Variants in EPB41L3 observed in about 807,000 individuals in gnomAD.
The protein encoded by EPB41L3 is band 4.1-like protein 3.
EPB41L3 carries 57 observed loss-of-function variants against 127.1 expected under a neutral mutation model. That is an observed-to-expected ratio of 0.45 (90% CI 0.36 to 0.56). The LOEUF is 0.56. Among genes scored for constraint, EPB41L3 ranks in the 20% least tolerant of loss-of-function variants. The pLI is 0.00. For synonymous variants in EPB41L3, 572 were observed against 549.5 expected (o/e 1.04, Z -0.57); for missense variants, 1,273 against 1,372.2 (o/e 0.93, Z 1.14).
chr18:5,426,645 C>T (rs1443523735), intron 9 of EPB41L3, among the ~76,000 whole-genome samples: 1 of 152,246 alleles, frequency 6.6e-6, no homozygotes, highest in Non-Finnish European at 1.5e-5. Flanking sequence ...CCTCTGGCAT[C>T]TCACAATACT....
chr18:5,593,118 G>A (rs1280053911), intron 3 of EPB41L3, among the ~76,000 whole-genome samples: 1 of 152,066 alleles, frequency 6.6e-6, no homozygotes, highest in Admixed American at 6.6e-5. Context: ...CAGAACCACT[G>A]ACAAAACCAT....
chr18:5,621,129 G>A (rs1281776495), intron 1 of EPB41L3, among the ~76,000 whole-genome samples: 2 of 152,130 alleles, frequency 1.3e-5, no homozygotes, highest in Admixed American at 1.3e-4. Flanking sequence ...GTGACTCTCT[G>A]CTGGGTGCTG....
chr18:5,558,551 A>G (rs2094074702), intron 3 of EPB41L3, among the ~76,000 whole-genome samples: 1 of 152,190 alleles, frequency 6.6e-6, no homozygotes, highest in African/African-American at 2.4e-5. Context: ...TTATTTAGGT[A>G]TGTAGAAGGT....
intron 16 of EPB41L3, among the ~76,000 whole-genome samples, chr18:5,402,682 C>G (rs974073839): frequency 2.0e-5 from 3 of 152,102 alleles, no homozygotes; most frequent in Non-Finnish European, 2.9e-5. Flanking sequence ...AAAAGGTGAT[C>G]TAAAAATTCA....
At chr18:5,550,610 T>C (rs962798076) in intron 3 of EPB41L3, among the ~76,000 whole-genome samples, 2 of 152,212 alleles carry the variant, frequency 1.3e-5, no homozygotes, top group Non-Finnish European at 2.9e-5. Flanking sequence ...ACAGTGAGTT[T>C]CCAGTTAGAA....
At chr18:5,475,843 T>C (rs2087080488) in intron 3 of EPB41L3, among the ~76,000 whole-genome samples, 1 of 152,184 alleles carries the variant, frequency 6.6e-6, no homozygotes, top group South Asian at 2.1e-4. Flanking sequence ...AGCTCTACAT[T>C]GCTTAAAAAT....
rs59299599 is a variant in EPB41L3, at chr18:5,606,882, TTCTCTCTCTC to T, written c.-306+5448_-306+5457del. Among the ~76,000 whole-genome samples, 692 of 141,610 alleles carry T rather than the reference TTCTCTCTCTC, an allele frequency of 4.9e-3. 8 individuals are homozygous for T. The highest frequency in any genetic ancestry group is 0.014 in the African/African-American group (532 of 38,526). 92.9% of individuals were successfully genotyped at this position (141,610 alleles called of 152,430 possible). A position where few individuals can be genotyped will look rare whatever the true frequency, so the allele number is the denominator to read the frequency against. On this transcript the variant is annotated intron_variant, in intron 3 of 21. Transcript: ENST00000545076. ...CTAACACCTGCCCACCATGGCGTCA[TTCTCTCTCTC>T]TCTCTCTCTCTCTCTCTCTCTCTGT... is the stretch of plus-strand genomic sequence containing the variant.
chr18:5,585,507 T>G (rs1218762605), intron 3 of EPB41L3, among the ~76,000 whole-genome samples: 4 of 152,168 alleles, frequency 2.6e-5, no homozygotes, highest in Non-Finnish European at 1.5e-5. Context: ...TTTTGCCATG[T>G]TGGCCAGGCT....
chr18:5,419,660 G>T (rs1309180360), intron 12 of EPB41L3, 51 bp downstream of exon 12: 1 of 1,607,584 alleles, frequency 6.2e-7, no homozygotes, highest in Admixed American at 1.7e-5. Context: ...GCATCATTTA[G>T]TCATTCTTAA....
In EPB41L3 at chr18:5,406,984, A is replaced by T. The variant is rs753553251; in HGVS notation, c.2158-16T>A. ...TTTCTAGCTCCTATATTCAGAACAT[A>T]AAGTATCCAACAGTCAATGTTTTAC... On this transcript the variant is annotated splice_polypyrimidine_tract_variant and intron_variant, in intron 15 of 22. Coordinates refer to ENST00000341928, the MANE Select transcript of EPB41L3 (RefSeq NM_012307.5). 1.0e-5 allele frequency: 16 copies of T among 1,607,530 alleles called. No homozygotes were observed. Among genetic ancestry groups the T allele is most frequent in the Non-Finnish European group, 8.5e-7 (1 of 1,174,008 alleles).
chr18:5,399,664 A>C (rs2074168464), intron 16 of EPB41L3: 1 of 280,698 alleles, frequency 3.6e-6, no homozygotes, highest in Non-Finnish European at 6.5e-6. Flanking sequence ...ATTTGCTCTT[A>C]TGATAAATTT....
intron 2 of EPB41L3, among the ~76,000 whole-genome samples, chr18:5,480,671 C>T (rs934446161): frequency 2.0e-5 from 3 of 152,152 alleles, no homozygotes; most frequent in Non-Finnish European, 4.4e-5. Context: ...CCAAGTGAGG[C>T]TTGGGGACTT....
chr18:5,452,293 A>G (rs1963340), intron 3 of EPB41L3, among the ~76,000 whole-genome samples: 112,214 of 151,818 alleles, frequency 0.74, 41,594 homozygotes, highest in East Asian at 0.84. Context: ...GAGGAAGTAT[A>G]TAGCTTTTTC....
At chr18:5,469,598 T>C (rs2085709730) in intron 3 of EPB41L3, among the ~76,000 whole-genome samples, 1 of 152,050 alleles carries the variant, frequency 6.6e-6, no homozygotes, top group South Asian at 2.1e-4. Context: ...GCAAGTCGAG[T>C]GGGCGGAATG....
At chr18:5,458,176 C>T (rs1452241240) in intron 3 of EPB41L3, among the ~76,000 whole-genome samples, 3 of 152,172 alleles carry the variant, frequency 2.0e-5, no homozygotes, top group Admixed American at 2.0e-4. Context: ...CAGGTATAAT[C>T]TTCTCTGGCT....
At chr18:5,403,328 A>C (rs1317814586) in intron 16 of EPB41L3, among the ~76,000 whole-genome samples, 1 of 152,182 alleles carries the variant, frequency 6.6e-6, no homozygotes, top group Non-Finnish European at 1.5e-5. Context: ...CTGAAACTTG[A>C]AACAATCGGC....
chr18:5,486,148 A>C lies in EPB41L3; in HGVS notation c.183+2853T>G, dbSNP rs185042301. Reference sequence around the variant, plus strand: ...GTACTGGCATAAAAATAGATACATAAACCAATGGAACAGAATAGAGAATCC... The same window carrying C: ...GTACTGGCATAAAAATAGATACATACACCAATGGAACAGAATAGAGAATCC... On this transcript the variant is annotated intron_variant, in intron 2 of 22. Transcript: ENST00000341928. Among the ~76,000 whole-genome samples, 12 of 152,172 alleles carry C rather than the reference A, an allele frequency of 7.9e-5. No homozygotes were observed. The East Asian group carries it at 2.3e-3, about 29-fold the overall frequency.
chr18:5,578,048 A>G (rs892642365), intron 3 of EPB41L3, among the ~76,000 whole-genome samples: 9 of 152,110 alleles, frequency 5.9e-5, no homozygotes, highest in African/African-American at 1.9e-4. Context: ...AATCTGTACT[A>G]AGCAAAGAGG....
chr18:5,498,377 T>G (rs1216683848), intron 1 of EPB41L3, among the ~76,000 whole-genome samples: 1 of 151,910 alleles, frequency 6.6e-6, no homozygotes, highest in African/African-American at 2.4e-5. Flanking sequence ...GTGGATCACC[T>G]GAGGTAAGAA....
Sources: gnomAD v4.1 joint callset for allele counts (sites outside exome capture counted in the v4.1 genomes callset) on GRCh38, gnomAD v4.1.1 for gene constraint, MANE v1.5 for transcripts, NCBI Gene and HGNC (gene_info 2026-07-23, HGNC 2026-07-21) for gene names.